ADGRA3: variants seen among roughly 807,000 people sequenced by gnomAD.
ADGRA3 encodes the protein G-protein coupled receptor 125.
ADGRA3 carries 56 observed loss-of-function variants against 119.8 expected under a neutral mutation model. That is an observed-to-expected ratio of 0.47 (90% CI 0.38 to 0.58). The LOEUF is 0.58. Among genes scored for constraint, ADGRA3 ranks in the 20% least tolerant of loss-of-function variants. The pLI is 0.00. For synonymous variants in ADGRA3, 607 were observed against 623.8 expected, an observed-to-expected ratio of 0.97 and a Z score of 0.40; for missense variants, 1,516 against 1,649.0, an observed-to-expected ratio of 0.92 and a Z score of 1.40.
Position 22,413,299 on chromosome 4 carries a change from A to T in ADGRA3, c.2115T>A (p.Asp705Glu). The T allele has an allele frequency of 1.2e-6, 2 of 1,614,074 alleles. No homozygotes were observed. Among genetic ancestry groups the T allele is most frequent in the South Asian group, 2.2e-5 (2 of 91,080 alleles). The part of the protein sequence containing the change: ...HGADAVAARW[D>E]FDLLNGQGGW... ...CTCCTTGTCCGTTCAGCAAATCGAA[A>T]TCCCACCGGGCTGCAACAGCATCTG... is the stretch of plus-strand genomic sequence containing the variant. Residue 705 changes from aspartate (D) to glutamate (E), a missense_variant, in exon 14 of 19, where the codon GAT becomes GAA. Asp to Glu is a conservative substitution (Grantham distance 45). Around this residue, in one of 2 missense-constraint regions of ADGRA3, gnomAD observed 1,088 missense variants for 1,107.1 expected, o/e 0.98. Coordinates refer to ENST00000334304, the MANE Select transcript of ADGRA3 (RefSeq NM_145290.4).
At chr4:22,506,845 G>A (rs1719256497) in intron 1 of ADGRA3, among the ~76,000 whole-genome samples, 1 of 152,106 alleles carries the variant, frequency 6.6e-6, no homozygotes. Flanking sequence ...AAGCTAAACT[G>A]TACATCAAGC....
chr4:22,482,903 G>C (rs1400500522), intron 1 of ADGRA3, among the ~76,000 whole-genome samples: 1 of 152,174 alleles, frequency 6.6e-6, no homozygotes, highest in African/African-American at 2.4e-5. Flanking sequence ...AGGGCCCCCA[G>C]CCACAGACGT....
intron 17 of ADGRA3, among the ~76,000 whole-genome samples, chr4:22,389,615 A>G (rs1257541595): frequency 1.3e-5 from 2 of 152,100 alleles, no homozygotes; most frequent in African/African-American, 2.4e-5. Flanking sequence ...ACTAATGTTC[A>G]GCTCAACCTG....
intron 13 of ADGRA3, 84 bp downstream of exon 13, chr4:22,413,517 C>T: frequency 2.1e-6 from 3 of 1,421,922 alleles, no homozygotes; most frequent in Non-Finnish European, 3.0e-6. Flanking sequence ...AACGAGAAAA[C>T]ACTAAAATAA....
rs928853508 is a variant in ADGRA3, at chr4:22,387,758, C to T, written c.3913G>A (p.Asp1305Asn). Reference protein sequence around the residue: ...NGQEGPLLGTDSTGNVRTGLW... With the variant: ...NGQEGPLLGTNSTGNVRTGLW... ...CCAGTCCTAACATTGCCAGTGCTATCGGTACCGAGCAAGGGTCCCTCCTGC... is the reference window on the plus strand; with the variant it reads ...CCAGTCCTAACATTGCCAGTGCTATTGGTACCGAGCAAGGGTCCCTCCTGC... The change falls in exon 19 of 19, where the codon GAT (aspartate) becomes AAT (asparagine). Residue 1305 changes from aspartate (D) to asparagine (N), a missense_variant. By Grantham distance (23) the Asp-to-Asn change is conservative. Transcript: ENST00000334304. The T allele has an allele frequency of 1.8e-5, 29 of 1,614,052 alleles. No homozygotes were observed. The highest frequency in any genetic ancestry group is 2.4e-5 in the Non-Finnish European group (28 of 1,179,962).
rs1195182360 is a variant in ADGRA3, at chr4:22,513,858, A to C, written c.257+1670T>G. On this transcript the variant is annotated intron_variant, in intron 1 of 18. Coordinates refer to ENST00000334304, the MANE Select transcript of ADGRA3 (RefSeq NM_145290.4). ...AAAGCTTTCAGGCAAAAAAAAAAAA[A>C]AAAAAAAAAAAAAAAACTGGATTGA... Among the ~76,000 whole-genome samples the C allele has an allele frequency of 1.5e-4, 22 of 150,518 alleles. No individual in the cohort carries two copies. The East Asian group carries it at 4.1e-3, about 28-fold the overall frequency.
At chr4:22,416,466 C>A (rs1290299438) in intron 12 of ADGRA3, among the ~76,000 whole-genome samples, 1 of 152,144 alleles carries the variant, frequency 6.6e-6, no homozygotes, top group Non-Finnish European at 1.5e-5. Context: ...GTTAACACTG[C>A]ACGACTTTGT....
chr4:22,514,654 A>G (rs888448924), intron 1 of ADGRA3: 3 of 152,320 alleles, frequency 2.0e-5, no homozygotes, highest in African/African-American at 7.2e-5. Flanking sequence ...CAAAATACCC[A>G]TGAGAAACAC....
chr4:22,454,385 C>A, intron 4 of ADGRA3, among the ~76,000 whole-genome samples: 1 of 152,260 alleles, frequency 6.6e-6, no homozygotes, highest in East Asian at 1.9e-4. Flanking sequence ...GTCAGAGGCA[C>A]AATTCAAATG....
intron 3 of ADGRA3, among the ~76,000 whole-genome samples, chr4:22,456,852 A>C (rs61792030): frequency 0.02 from 3,084 of 152,314 alleles, 53 homozygotes; most frequent in Middle Eastern, 0.048. Context: ...TGATAAAAGA[A>C]TCTTAAGCAA....
chr4:22,488,761 T>G (rs1041490955), intron 1 of ADGRA3, among the ~76,000 whole-genome samples: 3 of 152,034 alleles, frequency 2.0e-5, no homozygotes, highest in Non-Finnish European at 4.4e-5. Flanking sequence ...AATTTAAAAT[T>G]TGGGGAAAAC....
chr4:22,420,041 G>A lies in ADGRA3; in HGVS notation c.1809+845C>T, dbSNP rs777966134. The A allele has an allele frequency of 4.6e-5, 7 of 152,550 alleles. No individual in the cohort carries two copies. In the South Asian group the frequency reaches 6.2e-4, roughly 14 times the overall value. 9.4% of individuals were successfully genotyped at this position (152,550 alleles called of 1,614,324 possible). ...AAAGTATACAAAAATACACTAATTCGTTCATTCATTCAATATTTATTGAGT... is the reference window on the plus strand; with the variant it reads ...AAAGTATACAAAAATACACTAATTCATTCATTCATTCAATATTTATTGAGT... On this transcript the variant is annotated intron_variant, in intron 12 of 18. Coordinates refer to ENST00000334304, the MANE Select transcript of ADGRA3 (RefSeq NM_145290.4).
chr4:22,423,352 G>T (rs1047981584), intron 11 of ADGRA3, among the ~76,000 whole-genome samples: 1 of 152,062 alleles, frequency 6.6e-6, no homozygotes, highest in Admixed American at 6.6e-5. Context: ...TCTAAAAAAG[G>T]TCTCAGAGAT....
At chr4:22,424,154 T>G (rs1715830553) in intron 11 of ADGRA3, 37 bp downstream of exon 11, 2 of 1,563,858 alleles carry the variant, frequency 1.3e-6, no homozygotes, top group Non-Finnish European at 1.7e-6. Flanking sequence ...TGAAATGCAC[T>G]TTTTTTCTCA....
rs779087301 is a variant in ADGRA3, at chr4:22,388,453, T to C, written c.3218A>G (p.Asn1073Ser). The C allele has an allele frequency of 1.9e-6, 3 of 1,614,102 alleles. No homozygotes were observed. The highest frequency in any genetic ancestry group is 1.7e-5 in the Admixed American group (1 of 60,014). ...PGRSSYSVQVNVQPPNSNGTN... is the reference protein window; with the variant it reads ...PGRSSYSVQVSVQPPNSNGTN... ...CCCATTAGAGTTGGGGGGCTGGACG[T>C]TGACTTGCACTGAATACGAGCTCCG... is the stretch of plus-strand genomic sequence containing the variant. Residue 1073 changes from asparagine to serine, a missense_variant, in exon 19 of 19, where the codon AAC becomes AGC. By Grantham distance (46) the Asn-to-Ser change is conservative. Coordinates refer to ENST00000334304, the MANE Select transcript of ADGRA3 (RefSeq NM_145290.4).
chr4:22,467,175 G>A (rs1260940455), intron 2 of ADGRA3, among the ~76,000 whole-genome samples: 1 of 152,106 alleles, frequency 6.6e-6, no homozygotes, highest in Non-Finnish European at 1.5e-5. Flanking sequence ...AATAATTACT[G>A]AATTGTTGAA....
chr4:22,476,868 T>C (rs1380339210), intron 1 of ADGRA3, among the ~76,000 whole-genome samples: 3 of 152,096 alleles, frequency 2.0e-5, no homozygotes, highest in African/African-American at 7.2e-5. Context: ...GGTTTCACCA[T>C]GATGGCCAGG....
In ADGRA3 at chr4:22,388,726, G is replaced by T. The variant is rs1713962869; in HGVS notation, c.2945C>A (p.Ser982Tyr). The change falls in exon 19 of 19, where the codon TCT (serine) becomes TAT (tyrosine). Residue 982 changes from serine (S) to tyrosine (Y), a missense_variant. Around this residue, in one of 2 missense-constraint regions of ADGRA3, gnomAD observed 1,088 missense variants for 1,107.1 expected, o/e 0.98. Transcript: ENST00000334304. ...GTGCTCATTTTCCAAGGCTGATGTAGAAATCAGAGACAAAGACATTGAATC... is the reference window on the plus strand; with the variant it reads ...GTGCTCATTTTCCAAGGCTGATGTATAAATCAGAGACAAAGACATTGAATC... Reference protein sequence around the residue: ...HQDSMSLSLISTSALENEHTF... With the variant: ...HQDSMSLSLIYTSALENEHTF... The T allele has an allele frequency of 6.2e-7, 1 of 1,613,950 alleles. No individual in the cohort carries two copies. Among genetic ancestry groups the T allele is most frequent in the Non-Finnish European group, 8.5e-7 (1 of 1,179,976 alleles).
At chr4:22,392,520 T>G (rs747558946) in intron 17 of ADGRA3, 25 bp downstream of exon 17, 45 of 1,608,040 alleles carry the variant, frequency 2.8e-5, no homozygotes, top group Non-Finnish European at 3.8e-5. Context: ...AACAAAACAA[T>G]TAATACAACA....
Sources: gnomAD v4.1 joint callset for allele counts (sites outside exome capture counted in the v4.1 genomes callset) on GRCh38, gnomAD v4.1.1 for gene constraint, gnomAD v4.1.1 regional missense constraint, MANE v1.5 for transcripts, NCBI Gene and HGNC (gene_info 2026-07-23, HGNC 2026-07-21) for gene names.